CD6: variants seen among roughly 807,000 people sequenced by gnomAD.
CD6 encodes T-cell differentiation antigen CD6.
Under a neutral mutation model 75.3 loss-of-function variants are expected in CD6, and 53 were observed. The observed-to-expected ratio is 0.70, with a 90% CI of 0.56 to 0.88. The LOEUF (loss-of-function observed/expected upper bound fraction) is 0.88, where lower values mean the gene tolerates loss of function less well. CD6 is among the 40% of genes least tolerant of loss of function. The pLI, the probability that CD6 is intolerant of heterozygous loss-of-function variation, is 0.00. For synonymous variants in CD6, 359 were observed against 381.5 expected (o/e 0.94, Z 0.69); for missense variants, 770 against 897.1 (o/e 0.86, Z 1.81).
At chr11:61,006,528 A>G in intron 1 of CD6, 46 bp from the exon 2 acceptor site, 1 of 1,504,388 alleles carries the variant, frequency 6.6e-7, no homozygotes, top group Non-Finnish European at 9.0e-7. Context: ...TGTGGTCTCC[A>G]GGCCTGAGCT....
Position 61,008,645 on chromosome 11 carries a change from A to G in CD6, c.581A>G (p.Asp194Gly), listed in dbSNP as rs970777157. ...TGCGATGACACTTGGGACCTGGAGG[A>G]CGCCCACGTGGTGTGCAGGCAACTG... Reference protein sequence around the residue: ...SVCDDTWDLEDAHVVCRQLGC... With the variant: ...SVCDDTWDLEGAHVVCRQLGC... Residue 194 changes from aspartate (D) to glycine (G), a missense_variant, in exon 4 of 13, where the codon GAC (aspartate) becomes GGC (glycine). Asp to Gly is a moderately conservative substitution (Grantham distance 94). Coordinates refer to ENST00000313421, the MANE Select transcript of CD6 (RefSeq NM_006725.5). 6.2e-7 allele frequency: 1 copy of G among 1,608,232 alleles called. No homozygotes were observed. Among genetic ancestry groups the G allele is most frequent in the African/African-American group, 1.3e-5 (1 of 74,846 alleles).
intron 1 of CD6, among the ~76,000 whole-genome samples, chr11:60,997,551 A>T (rs1858365364): frequency 6.6e-6 from 1 of 152,066 alleles, no homozygotes; most frequent in Non-Finnish European, 1.5e-5. Context: ...AAAAATTCTT[A>T]ATAAGATACT....
At chr11:61,018,066 G>C (rs1859503919) in intron 11 of CD6, 53 bp downstream of exon 11, 2 of 1,588,604 alleles carry the variant, frequency 1.3e-6, no homozygotes, top group South Asian at 2.3e-5. Flanking sequence ...GGCTGGAGGA[G>C]GCATAAAGCT....
At position 61,007,607 on chromosome 11, in the gene CD6, G is replaced by A; in HGVS notation, c.166G>A (p.Gly56Arg). 1.3e-6 allele frequency: 2 copies of A among 1,502,820 alleles called. No homozygotes were observed. The highest frequency in any genetic ancestry group is 1.8e-6 in the Non-Finnish European group (2 of 1,126,088). 93.1% of individuals were successfully genotyped at this position (1,502,820 alleles called of 1,614,324 possible). Residue 56 changes from glycine (G) to arginine (R), a missense_variant, in exon 3 of 13, where the codon GGG becomes AGG. Physicochemically the swap from Gly to Arg is moderately radical, Grantham distance 125. Transcript: ENST00000313421. This position sits in a 1 kb window ranked among gnomAD's most constrained non-coding sequence, Gnocchi z 4.2. ...RLTNGSSSCS[G>R]TVEVRLEASW... Reference sequence around the variant, plus strand: ...GACAAACGGGAGCAGCAGCTGCAGCGGGACGGTGGAGGTGCGGCTCGAGGC... The same window carrying A: ...GACAAACGGGAGCAGCAGCTGCAGCAGGACGGTGGAGGTGCGGCTCGAGGC...
chr11:61,015,798 C>T lies in CD6; in HGVS notation c.1473C>T (p.Phe491=), dbSNP rs1323583672. 5 of 1,614,224 alleles carry T rather than the reference C, an allele frequency of 3.1e-6. No homozygotes were observed. In the South Asian group the frequency reaches 5.5e-5, roughly 18 times the overall value. The change falls in exon 9 of 13, where the codon TTC becomes TTT. Residue 491 remains phenylalanine (F), a synonymous_variant. Coordinates refer to ENST00000313421, the MANE Select transcript of CD6 (RefSeq NM_006725.5). The part of the protein sequence containing the change: ...GSDSDYEHYD[F]SAQPPVALTT... ...ACTCAGACTATGAGCACTATGACTT[C>T]AGCGCCCAGCCTCCTGTGGCCCTGA...
chr11:61,014,096 G>A, intron 8 of CD6, 82 bp downstream of exon 8: 1 of 967,902 alleles, frequency 1.0e-6, no homozygotes, highest in South Asian at 1.6e-5. Flanking sequence ...CACCACTTAG[G>A]TCCAAGACGT....
rs576602370 is a variant in CD6, at chr11:61,007,757, C to A, written c.316C>A (p.Pro106Thr). 6.9e-7 allele frequency: 1 copy of A among 1,455,070 alleles called. No homozygotes were observed. Among genetic ancestry groups the A allele is most frequent in the Non-Finnish European group, 9.1e-7 (1 of 1,102,368 alleles). 90.1% of individuals were successfully genotyped at this position (1,455,070 alleles called of 1,614,324 possible). ...CGCCCCGCCGACCCCTGAGCTGCCG[C>A]CCCCGCCTGCAGCCGGGAACACCAG... ...QLAPPTPELPPPPAAGNTSVA... is the reference protein window; with the variant it reads ...QLAPPTPELPTPPAAGNTSVA... The change falls in exon 3 of 13, where the codon CCC (proline) becomes ACC (threonine). Residue 106 changes from proline (P) to threonine (T), a missense_variant. Physicochemically the swap from Pro to Thr is conservative, Grantham distance 38. Transcript: ENST00000313421. This position sits in a 1 kb window ranked among gnomAD's most constrained non-coding sequence, Gnocchi z 4.2.
chr11:61,011,088 A>G lies in CD6; in HGVS notation c.1103A>G (p.Asn368Ser). The change falls in exon 6 of 13, where the codon AAT becomes AGT. Residue 368 changes from asparagine to serine, a missense_variant. Asn to Ser is a conservative substitution (Grantham distance 46). Coordinates refer to ENST00000313421, the MANE Select transcript of CD6 (RefSeq NM_006725.5). ...VLCSASRSLH[N>S]LSTPEVPASV... ...CTGACAGCTTCCCGGAGTTTGCACA[A>G]TCTGTCCACTCCCGAAGTCCCTGCA... 1 of 1,613,938 alleles carries G rather than the reference A, an allele frequency of 6.2e-7. No individual in the cohort carries two copies. Among genetic ancestry groups the G allele is most frequent in the South Asian group, 1.1e-5 (1 of 91,072 alleles).
rs377541031 is a variant in CD6, at chr11:61,011,055, G to A, written c.1085-15G>A. 3.8e-5 allele frequency: 62 copies of A among 1,613,428 alleles called. No homozygotes were observed. The African/African-American group carries it at 6.0e-4, about 16-fold the overall frequency. On this transcript the variant is annotated splice_polypyrimidine_tract_variant and intron_variant, in intron 5 of 12. Coordinates refer to ENST00000313421, the MANE Select transcript of CD6 (RefSeq NM_006725.5). ...AGTAACATGCATTGAGTGACTGGGCGGTGCTTTCTGACAGCTTCCCGGAGT... is the reference window on the plus strand; with the variant it reads ...AGTAACATGCATTGAGTGACTGGGCAGTGCTTTCTGACAGCTTCCCGGAGT...
chr11:60,987,862 A>G (rs75261038), intron 1 of CD6: 4,679 of 152,378 alleles, frequency 0.031, 104 homozygotes, highest in Middle Eastern at 0.12. Context: ...GATAGCATTT[A>G]TAACTGATCG....
chr11:61,013,541 CTT>C lies in CD6; in HGVS notation c.1270_1271del (p.Leu424GlufsTer3). On this transcript the variant is annotated frameshift_variant, in exon 7 of 13. Transcript: ENST00000313421. LOFTEE classifies it high-confidence loss of function. The part of the protein sequence containing the change: ...GSLIFIAFIL[L>X]RIKGKYALPV... ...CCCTCATCTTCATAGCCTTCATCCT[CTT>C]GAGAATTAAAGGAAAATATGGTAAG... 6.2e-7 allele frequency: 1 copy of C among 1,614,144 alleles called. No individual in the cohort carries two copies. Among genetic ancestry groups the C allele is most frequent in the Non-Finnish European group, 8.5e-7 (1 of 1,180,024 alleles).
At chr11:61,010,550 G>C (rs1014583157) in intron 5 of CD6, among the ~76,000 whole-genome samples, 4 of 152,154 alleles carry the variant, frequency 2.6e-5, no homozygotes, top group Non-Finnish European at 2.9e-5. Context: ...ACAAATTCCA[G>C]CTCTGCCATT....
rs1345049356 is a variant in CD6, at chr11:61,019,947, C to T, written c.*629C>T. On this transcript the variant is annotated 3_prime_UTR_variant, in exon 13 of 13. Transcript: ENST00000313421. ...GACAATGACAGGTTGACTGTGTACC[C>T]CCAACCAAGGAGCTGGGGCCCAAGG... 4 of 393,890 alleles carry T rather than the reference C, an allele frequency of 1.0e-5. No homozygotes were observed. The highest frequency in any genetic ancestry group is 8.9e-5 in the Admixed American group (2 of 22,574). The allele number at this position is 393,890 out of a possible 1,614,324, so 24.4% of individuals were successfully genotyped here.
Position 61,007,559 on chromosome 11 carries a change from G to T in CD6, c.119-1G>T. 1 of 1,493,188 alleles carries T rather than the reference G, an allele frequency of 6.7e-7. No individual in the cohort carries two copies. The allele number at this position is 1,493,188 out of a possible 1,614,324, so 92.5% of individuals were successfully genotyped here. A position where few individuals can be genotyped will look rare whatever the true frequency, so the allele number is the denominator to read the frequency against. On this transcript the variant is annotated splice_acceptor_variant, in intron 2 of 12. Transcript: ENST00000313421. LOFTEE classifies it high-confidence loss of function. This position sits in a 1 kb window ranked among gnomAD's most constrained non-coding sequence, Gnocchi z 4.2. ...TCAGCTCTCTGGTCTGACACTTCCA[G>T]GGGAGCGGCTTCCGGTCCGTCTGAC...
intron 1 of CD6, among the ~76,000 whole-genome samples, chr11:60,995,105 G>A (rs780291526): frequency 5.3e-5 from 8 of 150,866 alleles, no homozygotes; most frequent in Non-Finnish European, 1.2e-4. Context: ...TATATTACTT[G>A]TATGAGCCAG....
Position 60,979,755 on chromosome 11 carries a change from A to G in CD6, c.49+7841A>G, listed in dbSNP as rs532998985. On this transcript the variant is annotated intron_variant, in intron 1 of 12. Coordinates refer to ENST00000313421, the MANE Select transcript of CD6 (RefSeq NM_006725.5). ...CCAAAGTGCTGGGATTACAGGTGTG[A>G]GCCACTGTGCCTGGCCTAGGCTCCA... 2.0e-5 allele frequency among the ~76,000 whole-genome samples: 3 copies of G among 152,296 alleles called. No homozygotes were observed. In the South Asian group the frequency reaches 6.2e-4, roughly 32 times the overall value.
At position 61,008,606 on chromosome 11, in the gene CD6, A is replaced by AGT; in HGVS notation, c.544_545dup (p.Trp182CysfsTer48). On this transcript the variant is annotated frameshift_variant, in exon 4 of 13. Coordinates refer to ENST00000313421, the MANE Select transcript of CD6 (RefSeq NM_006725.5). LOFTEE classifies it high-confidence loss of function. ...CGCGTGGAGATGCTGGAGCATGGCG[A>AGT]GTGGGGATCAGTGTGCGATGACACT... 1 of 1,607,888 alleles carries AGT rather than the reference A, an allele frequency of 6.2e-7. No individual in the cohort carries two copies. The highest frequency in any genetic ancestry group is 8.5e-7 in the Non-Finnish European group (1 of 1,177,662).
intron 1 of CD6, chr11:61,004,662 T>C (rs905075748): frequency 1.2e-4 from 19 of 152,456 alleles, no homozygotes; most frequent in Admixed American, 1.2e-3. Context: ...GTAGTGGTCA[T>C]GTCCGAGTCT....
chr11:60,972,279 A>G (rs2905690), intron 1 of CD6, among the ~76,000 whole-genome samples: 142,896 of 152,252 alleles, frequency 0.94, 67,138 homozygotes, highest in East Asian at 1. Flanking sequence ...CCAGAGAGGC[A>G]GGACCACTGA....
Sources: gnomAD v4.1 joint callset for allele counts (sites outside exome capture counted in the v4.1 genomes callset) on GRCh38, gnomAD v4.1.1 for gene constraint, Gnocchi (gnomAD v3.1) non-coding constraint, MANE v1.5 for transcripts, NCBI Gene and HGNC (gene_info 2026-07-23, HGNC 2026-07-21) for gene names.